Variants in FRMD4B observed in about 807,000 individuals in gnomAD.
The protein encoded by FRMD4B is FERM domain-containing protein 4B.
Under a neutral mutation model 141.5 loss-of-function variants are expected in FRMD4B, and 74 were observed. That is an observed-to-expected ratio of 0.52 (90% CI 0.43 to 0.63). The LOEUF (loss-of-function observed/expected upper bound fraction) is 0.63, where lower values mean the gene tolerates loss of function less well. FRMD4B is among the 30% of genes least tolerant of loss of function. FRMD4B has a pLI of 0.00. For synonymous variants in FRMD4B, 506 were observed against 467.9 expected (o/e 1.08, Z -1.05); for missense variants, 1,366 against 1,253.4 (o/e 1.09, Z -1.36).
At chr3:69,486,725 G>A (rs1262009612) in intron 1 of FRMD4B, among the ~76,000 whole-genome samples, 1 of 152,172 alleles carries the variant, frequency 6.6e-6, no homozygotes, top group Admixed American at 6.5e-5. Context: ...GAAGGCTCAA[G>A]GCATGTTGAA....
At chr3:69,212,990 G>C (rs73097720) in intron 11 of FRMD4B, among the ~76,000 whole-genome samples, 1 of 151,998 alleles carries the variant, frequency 6.6e-6, no homozygotes, top group Non-Finnish European at 1.5e-5. Flanking sequence ...TTTTTATTAT[G>C]CTCTGCAAAC....
intron 1 of FRMD4B, among the ~76,000 whole-genome samples, chr3:69,369,547 G>T (rs911501618): frequency 6.6e-6 from 1 of 150,608 alleles, no homozygotes; most frequent in Non-Finnish European, 1.5e-5. Context: ...AGAAAAAAAA[G>T]ATTTTTGAAA....
chr3:69,541,425 A>C (rs942344796), intron 1 of FRMD4B: 6 of 150,920 alleles, frequency 4.0e-5, no homozygotes, highest in African/African-American at 1.5e-4. Flanking sequence ...AAGGAGAGCG[A>C]GAGAGAGAGA....
chr3:69,268,928 AT>A (rs766564016), intron 5 of FRMD4B, among the ~76,000 whole-genome samples: 2,883 of 141,140 alleles, frequency 0.02, 50 homozygotes, highest in South Asian at 0.068. Context: ...ATAGATGAGA[AT>A]TTTTTTTTTT....
At chr3:69,206,330 A>G (rs1172510634) in intron 11 of FRMD4B, among the ~76,000 whole-genome samples, 1 of 152,198 alleles carries the variant, frequency 6.6e-6, no homozygotes, top group Non-Finnish European at 1.5e-5. Context: ...AGCCTGGGCG[A>G]CAGAGTGACA....
intron 2 of FRMD4B, among the ~76,000 whole-genome samples, chr3:69,311,867 C>A (rs1701603761): frequency 6.6e-6 from 1 of 151,986 alleles, no homozygotes; most frequent in Non-Finnish European, 1.5e-5. Flanking sequence ...GAACTTATAT[C>A]CCATTGTCAT....
At chr3:69,414,440 T>C (rs533003177) in intron 2 of FRMD4B, among the ~76,000 whole-genome samples, 4 of 152,348 alleles carry the variant, frequency 2.6e-5, no homozygotes, top group African/African-American at 7.2e-5. Context: ...ATGTAAGAGA[T>C]GGTTCTTCTT....
Position 69,228,625 on chromosome 3 carries a change from A to G in FRMD4B, c.582-3935T>C. On this transcript the variant is annotated intron_variant, in intron 7 of 22. Transcript: ENST00000398540. ...TGAGCTGGGAGGATCTCTTGAGCCC[A>G]GGAGTTGGAGACCGACCTGGGCAAC... The G allele has an allele frequency of 7.9e-6, 3 of 378,576 alleles. 1 individual carries two copies. The highest frequency in any genetic ancestry group is 1.7e-3 in the Middle Eastern group (2 of 1,170). 23.5% of individuals were successfully genotyped at this position (378,576 alleles called of 1,614,324 possible).
At chr3:69,489,075 G>A (rs959162490) in intron 1 of FRMD4B, among the ~76,000 whole-genome samples, 6 of 151,666 alleles carry the variant, frequency 4.0e-5, no homozygotes. Context: ...GTGCTTCCAA[G>A]GACACTATCA....
intron 12 of FRMD4B, among the ~76,000 whole-genome samples, chr3:69,197,496 TA>T (rs1285007183): frequency 4.2e-4 from 64 of 150,688 alleles, no homozygotes; most frequent in African/African-American, 1.5e-3. Flanking sequence ...CACTTAACGA[TA>T]ATGGCTGAAA....
intron 3 of FRMD4B, 143 bp from the exon 4 acceptor site, chr3:69,302,578 C>T (rs1701253128): frequency 1.7e-6 from 1 of 601,224 alleles, no homozygotes; most frequent in African/African-American, 1.9e-5. Flanking sequence ...GTAATGAGAC[C>T]AACTCAGCAA....
intron 2 of FRMD4B, among the ~76,000 whole-genome samples, chr3:69,399,068 A>C (rs977355721): frequency 2.0e-5 from 3 of 152,238 alleles, no homozygotes; most frequent in Non-Finnish European, 4.4e-5. Flanking sequence ...ACTTGGAACA[A>C]ATAAATCTTA....
At position 69,221,867 on chromosome 3, in the gene FRMD4B, G is replaced by C; in HGVS notation, c.722C>G (p.Ala241Gly). ...LKIKGLTRGQ[A>G]VVQYMKIVEA... Reference sequence around the variant, plus strand: ...AAGGAAAGATACTTACTGAACCACAGCTTGACCTCGAGTGAGACCTTTGAT... The same window carrying C: ...AAGGAAAGATACTTACTGAACCACACCTTGACCTCGAGTGAGACCTTTGAT... The change falls in exon 9 of 23, where the codon GCT becomes GGT. Residue 241 changes from alanine to glycine, a missense_variant. Ala to Gly is a moderately conservative substitution (Grantham distance 60, BLOSUM62 0). Transcript: ENST00000398540. 6.5e-7 allele frequency: 1 copy of C among 1,535,560 alleles called. No homozygotes were observed. The highest frequency in any genetic ancestry group is 1.7e-4 in the Middle Eastern group (1 of 5,922).
intron 5 of FRMD4B, among the ~76,000 whole-genome samples, chr3:69,257,146 G>A (rs764895883): frequency 5.3e-5 from 8 of 152,212 alleles, no homozygotes; most frequent in African/African-American, 1.9e-4. Flanking sequence ...GGTTCTCTAA[G>A]TTTTATTCTT....
intron 11 of FRMD4B, among the ~76,000 whole-genome samples, chr3:69,204,957 A>G (rs1347904727): frequency 6.6e-6 from 1 of 151,634 alleles, no homozygotes; most frequent in Non-Finnish European, 1.5e-5. Context: ...ATTGATACTT[A>G]AATACTGCCA....
At chr3:69,208,988 A>G (rs1185979386) in intron 11 of FRMD4B, among the ~76,000 whole-genome samples, 1 of 152,148 alleles carries the variant, frequency 6.6e-6, no homozygotes, top group Non-Finnish European at 1.5e-5. Context: ...TACTACAAAT[A>G]CAAAAATTAG....
intron 2 of FRMD4B, among the ~76,000 whole-genome samples, chr3:69,411,762 G>T (rs1704764671): frequency 6.6e-6 from 1 of 152,190 alleles, no homozygotes; most frequent in South Asian, 2.1e-4. Flanking sequence ...TGGGATTCCA[G>T]TTAATGATAT....
intron 5 of FRMD4B, among the ~76,000 whole-genome samples, chr3:69,262,459 CTTTTTTTTTTT>C (rs71618271): frequency 5.8e-5 from 5 of 86,822 alleles, no homozygotes; most frequent in East Asian, 9.8e-4. Flanking sequence ...ACACAAATGA[CTTTTTTTTTTT>C]TTTTTTTTTT....
intron 2 of FRMD4B, among the ~76,000 whole-genome samples, chr3:69,425,079 T>C (rs948318647): frequency 6.6e-6 from 1 of 152,206 alleles, no homozygotes; most frequent in Non-Finnish European, 1.5e-5. Context: ...TATTAGTGTT[T>C]TAAAAGGCTT....
Sources: gnomAD v4.1 joint callset for allele counts (sites outside exome capture counted in the v4.1 genomes callset) on GRCh38, gnomAD v4.1.1 for gene constraint, MANE v1.5 for transcripts, NCBI Gene and HGNC (gene_info 2026-07-23, HGNC 2026-07-21) for gene names.